The following IL17B variants were observed in gnomAD, a reference collection of about 807,000 sequenced individuals.
IL17B encodes interleukin 17B, also known as interleukin-17B.
Under a neutral mutation model 14.7 loss-of-function variants are expected in IL17B, and 14 were observed. That is an observed-to-expected ratio of 0.95 (90% CI 0.63 to 1.49). IL17B has a LOEUF of 1.49. Among genes scored for constraint, IL17B ranks in the 40% most tolerant of loss-of-function variants. The pLI is 0.00. For missense variants in IL17B, 233 were observed against 252.8 expected (o/e 0.92, Z 0.53); for synonymous variants, 105 against 94.8 (o/e 1.11, Z -0.62).
rs57775228 is a variant in IL17B at position 149,387,775 on chromosome 5, CAAAAA to C, written n.96-10755_96-10751del. On this transcript the variant is annotated intron_variant and non_coding_transcript_variant, in intron 1 of 2. Transcript: ENST00000505432. ...TGGGTGACAAAGCATGCCCCTGTCT[CAAAAA>C]AAAAAAAAAAAAAAAAGGAAAGAAA... Among the ~76,000 whole-genome samples the C allele has an allele frequency of 1.0e-3, 81 of 81,322 alleles. 1 individual carries two copies. Among genetic ancestry groups the C allele is most frequent in the South Asian group, 8.8e-4 (2 of 2,266 alleles). 53.4% of individuals were successfully genotyped at this position (81,322 alleles called of 152,430 possible).
intron 1 of IL17B, among the ~76,000 whole-genome samples, chr5:149,378,102 C>G (rs1397527574): frequency 6.6e-6 from 1 of 152,126 alleles, no homozygotes; most frequent in Non-Finnish European, 1.5e-5. Context: ...CGAGATCACA[C>G]CACTGCACTC....
At position 149,379,210 on chromosome 5, in the gene IL17B, T is replaced by G; in HGVS notation, c.16A>C (p.Asn6His). MDWPH[N>H]LLFLLTISIF... is the part of the protein sequence containing the mutation. The stretch of plus-strand genomic sequence containing the variant: ...GGCAGGGAAGCGCCACGTACCAGGT[T>G]GTGAGGCCAGTCCATTCCGCCAAGC... Residue 6 changes from asparagine to histidine, a missense_variant, in exon 1 of 3, where the codon AAC becomes CAC. Physicochemically the swap from Asn to His is moderately conservative, Grantham distance 68. Coordinates refer to ENST00000261796, the MANE Select transcript of IL17B (RefSeq NM_014443.3). The G allele has an allele frequency of 6.2e-7, 1 of 1,613,916 alleles. No individual in the cohort carries two copies. The highest frequency in any genetic ancestry group is 1.1e-5 in the South Asian group (1 of 91,078).
intron 1 of IL17B, among the ~76,000 whole-genome samples, chr5:149,389,866 C>T (rs989057122): frequency 6.6e-6 from 1 of 152,116 alleles, no homozygotes. Context: ...GTTTAACGGT[C>T]CTGGGTGGTT....
At chr5:149,383,292 T>A, upstream of IL17B, among the ~76,000 whole-genome samples, 1 of 152,228 alleles carries the variant, frequency 6.6e-6, no homozygotes, top group East Asian at 1.9e-4. Context: ...ATGCTTCTAG[T>A]ACGTTCCTGG....
chr5:149,398,681 C>T lies in IL17B; in HGVS notation n.95+5427G>A, dbSNP rs559278232. Among the ~76,000 whole-genome samples, 9 of 152,312 alleles carry T rather than the reference C, an allele frequency of 5.9e-5. No individual in the cohort carries two copies. In the East Asian group the frequency reaches 1.7e-3, roughly 29 times the overall value. ...CAGCACTTTGGGAGGTGGAGGTGGG[C>T]AGATCATCTGAGGTCAGGAGTTCGA... On this transcript the variant is annotated intron_variant and non_coding_transcript_variant, in intron 1 of 2. Coordinates refer to the IL17B transcript ENST00000505432.
chr5:149,379,522 A>C (rs912301921), upstream of IL17B, among the ~76,000 whole-genome samples: 16 of 152,046 alleles, frequency 1.1e-4, no homozygotes, highest in African/African-American at 3.9e-4. Context: ...GGCCGGTGGC[A>C]CCTCCGCCTG....
intron 2 of IL17B, among the ~76,000 whole-genome samples, chr5:149,375,632 A>C (rs576441263): frequency 3.9e-4 from 59 of 152,296 alleles, no homozygotes; most frequent in African/African-American, 1.4e-3. Context: ...TACGCCTGTA[A>C]TCTCAGCACT....
intron 1 of IL17B, among the ~76,000 whole-genome samples, chr5:149,393,255 G>A (rs896768377): frequency 2.6e-5 from 4 of 152,086 alleles, no homozygotes; most frequent in Admixed American, 6.5e-5. Context: ...CTTCTCTGCC[G>A]TTTTTACTCT....
chr5:149,387,775 C>CAA (rs57775228), intron 1 of IL17B, among the ~76,000 whole-genome samples: 298 of 81,248 alleles, frequency 3.7e-3, no homozygotes, highest in Middle Eastern at 6.4e-3. Context: ...GCCCCTGTCT[C>CAA]AAAAAAAAAA....
intron 1 of IL17B, among the ~76,000 whole-genome samples, chr5:149,377,434 C>G (rs1353636876): frequency 6.6e-6 from 1 of 152,194 alleles, no homozygotes; most frequent in African/African-American, 2.4e-5. Context: ...GTATACAATT[C>G]TTTTATGTGT....
intron 1 of IL17B, among the ~76,000 whole-genome samples, chr5:149,387,446 G>T (rs1477272147): frequency 6.6e-6 from 1 of 152,124 alleles, no homozygotes; most frequent in African/African-American, 2.4e-5. Context: ...ATGGTAAAAG[G>T]GTTACCCCTG....
At chr5:149,393,706 A>G (rs1163853688) in intron 1 of IL17B, among the ~76,000 whole-genome samples, 1 of 150,898 alleles carries the variant, frequency 6.6e-6, no homozygotes, top group Non-Finnish European at 1.5e-5. Context: ...TCCTTCCTCC[A>G]CAATGTATCC....
intron 1 of IL17B, among the ~76,000 whole-genome samples, chr5:149,399,636 A>C (rs1759169631): frequency 6.6e-6 from 1 of 152,122 alleles, no homozygotes; most frequent in African/African-American, 2.4e-5. Context: ...GTGTTTGTTG[A>C]GTGAATTGTG....
At chr5:149,403,146 G>A (rs548535840) in intron 1 of IL17B, among the ~76,000 whole-genome samples, 1 of 151,952 alleles carries the variant, frequency 6.6e-6, no homozygotes, top group South Asian at 2.1e-4. Flanking sequence ...ATGCAGTGAT[G>A]CAATCTCGGC....
At chr5:149,391,528 G>A (rs1758964814) in intron 1 of IL17B, among the ~76,000 whole-genome samples, 1 of 152,210 alleles carries the variant, frequency 6.6e-6, no homozygotes, top group Non-Finnish European at 1.5e-5. Context: ...GGGGGCTTAA[G>A]TTTCTCCTAA....
intron 1 of IL17B, among the ~76,000 whole-genome samples, chr5:149,386,388 A>T (rs938118228): frequency 6.6e-6 from 1 of 152,124 alleles, no homozygotes; most frequent in African/African-American, 2.4e-5. Flanking sequence ...GACACACATC[A>T]CATCACCCTT....
intron 1 of IL17B, among the ~76,000 whole-genome samples, chr5:149,391,265 G>A (rs1332641680): frequency 1.3e-5 from 2 of 152,192 alleles, no homozygotes; most frequent in African/African-American, 4.8e-5. Flanking sequence ...TGCGCCCAGC[G>A]TTGGACCAGG....
At chr5:149,382,562 G>A (rs1758724539), upstream of IL17B, among the ~76,000 whole-genome samples, 1 of 152,250 alleles carries the variant, frequency 6.6e-6, no homozygotes, top group African/African-American at 2.4e-5. Context: ...ATTACAGATG[G>A]GGAAACTGAG....
intron 1 of IL17B, among the ~76,000 whole-genome samples, chr5:149,401,474 G>T (rs1759204544): frequency 6.6e-6 from 1 of 152,236 alleles, no homozygotes; most frequent in East Asian, 1.9e-4. Context: ...GGAGGCTGAG[G>T]CGGGTGGATC....
Sources: allele counts gnomAD v4.1 joint callset (sites outside exome capture counted in the v4.1 genomes callset), GRCh38; gene constraint gnomAD v4.1.1; transcripts MANE v1.5; gene names NCBI Gene and HGNC (gene_info 2026-07-23, HGNC 2026-07-21).